DSCAM: variants seen among roughly 807,000 people sequenced by gnomAD.
DSCAM encodes the protein cell adhesion molecule DSCAM.
A neutral mutation model predicts 217.7 loss-of-function variants in DSCAM; 47 were observed. That is an observed-to-expected ratio of 0.22 (90% CI 0.17 to 0.28). The LOEUF is 0.28. Ranked by LOEUF, DSCAM falls within the 10% of genes least tolerant of loss-of-function variation. The pLI is 1.00. For synonymous variants in DSCAM, 1,056 were observed against 1,015.3 expected, an observed-to-expected ratio of 1.04 and a Z score of -0.76; for missense variants, 2,080 against 2,618.3, an observed-to-expected ratio of 0.79 and a Z score of 4.49.
intron 3 of DSCAM, among the ~76,000 whole-genome samples, chr21:40,451,885 CA>C (rs373621636): frequency 3.2e-4 from 49 of 152,008 alleles, no homozygotes; most frequent in East Asian, 3.1e-3. Flanking sequence ...CGCAAAAATT[CA>C]AAAAAATTGC....
At chr21:40,689,501 T>C (rs1004162109) in intron 3 of DSCAM, among the ~76,000 whole-genome samples, 4 of 152,246 alleles carry the variant, frequency 2.6e-5, no homozygotes, top group African/African-American at 9.6e-5. Context: ...CTCTCAGCTA[T>C]CCTAGGTCAA....
intron 21 of DSCAM, among the ~76,000 whole-genome samples, chr21:40,093,021 C>T (rs7276717): frequency 0.18 from 27,045 of 152,024 alleles, 2,644 homozygotes; most frequent in African/African-American, 0.25. Flanking sequence ...TAATAAGTTG[C>T]CACTGTTCTA....
At chr21:40,680,272 G>A (rs542313293) in intron 3 of DSCAM, among the ~76,000 whole-genome samples, 2 of 152,266 alleles carry the variant, frequency 1.3e-5, no homozygotes, top group Admixed American at 6.5e-5. Flanking sequence ...AGGCTCTATA[G>A]AGAAATGCAC....
At chr21:40,050,994 ATATT>A in intron 30 of DSCAM, among the ~76,000 whole-genome samples, 1 of 152,324 alleles carries the variant, frequency 6.6e-6, no homozygotes, top group Admixed American at 6.5e-5. Context: ...TGTTTTCTGT[ATATT>A]ACAATGTTAT....
At chr21:40,031,988 C>G (rs545590802) in intron 32 of DSCAM, among the ~76,000 whole-genome samples, 1 of 152,332 alleles carries the variant, frequency 6.6e-6, no homozygotes, top group South Asian at 2.1e-4. Context: ...CTCCAGCCTT[C>G]AACTTTCTGG....
chr21:40,673,269 T>G (rs1280236771), intron 3 of DSCAM, among the ~76,000 whole-genome samples: 1 of 131,288 alleles, frequency 7.6e-6, no homozygotes, highest in African/African-American at 2.7e-5. Flanking sequence ...TGTTTTACGG[T>G]AGTAAAGATA....
chr21:40,406,764 G>GT, intron 3 of DSCAM, among the ~76,000 whole-genome samples: 1 of 152,034 alleles, frequency 6.6e-6, no homozygotes, highest in Non-Finnish European at 1.5e-5. Context: ...TAATTTTTGT[G>GT]TTTTTTGTTC....
At chr21:40,696,154 T>C (rs2090592893) in intron 2 of DSCAM, among the ~76,000 whole-genome samples, 1 of 152,106 alleles carries the variant, frequency 6.6e-6, no homozygotes, top group Non-Finnish European at 1.5e-5. Context: ...ATCTAAGTAC[T>C]GTGCTTGGTG....
intron 1 of DSCAM, among the ~76,000 whole-genome samples, chr21:40,785,462 G>A (rs891062266): frequency 6.6e-5 from 10 of 152,314 alleles, no homozygotes; most frequent in African/African-American, 2.4e-4. Flanking sequence ...AGGCCTCACT[G>A]GCCAATACAC....
chr21:40,629,252 G>T (rs1347442608), intron 3 of DSCAM, among the ~76,000 whole-genome samples: 1 of 152,148 alleles, frequency 6.6e-6, no homozygotes, highest in Non-Finnish European at 1.5e-5. Context: ...GATTGGACAA[G>T]ATTATCCTTA....
At chr21:40,226,624 T>C (rs944088774) in intron 11 of DSCAM, among the ~76,000 whole-genome samples, 3 of 152,188 alleles carry the variant, frequency 2.0e-5, no homozygotes, top group African/African-American at 4.8e-5. Flanking sequence ...CTGTAACAAA[T>C]GAACCCAAAG....
Position 40,266,670 on chromosome 21 carries a change from T to TATATATATATATATATATATAA in DSCAM, c.2356+9426_2356+9427insTTATATATATATATATATATAT, listed in dbSNP as rs201198571. Among the ~76,000 whole-genome samples, 57 of 120,678 alleles carry TATATATATATATATATATATAA rather than the reference T, an allele frequency of 4.7e-4. 2 individuals are homozygous for TATATATATATATATATATATAA. The highest frequency in any genetic ancestry group is 2.1e-3 in the African/African-American group (52 of 24,690). The allele number at this position is 120,678 out of a possible 152,430, so 79.2% of individuals were successfully genotyped here. ...ATATATATATATATATATATATATA[T>TATATATATATATATATATATAA]AATCTTGAAATTTTATATATATAAA... On this transcript the variant is annotated intron_variant, in intron 11 of 32. Coordinates refer to ENST00000400454, the MANE Select transcript of DSCAM (RefSeq NM_001389.5).
chr21:40,603,565 C>CATT (rs1248231943), intron 3 of DSCAM, among the ~76,000 whole-genome samples: 1 of 152,194 alleles, frequency 6.6e-6, no homozygotes, highest in Non-Finnish European at 1.5e-5. Flanking sequence ...TTTCTGAATA[C>CATT]ATTCTTTTAA....
intron 15 of DSCAM, among the ~76,000 whole-genome samples, chr21:40,174,843 G>A (rs771908941): frequency 4.6e-5 from 7 of 152,216 alleles, no homozygotes; most frequent in East Asian, 1.9e-4. Context: ...CTGGTCTGTC[G>A]TGGGCTGCAG....
At chr21:40,233,930 C>T (rs1790404808) in intron 11 of DSCAM, among the ~76,000 whole-genome samples, 2 of 152,298 alleles carry the variant, frequency 1.3e-5, no homozygotes, top group East Asian at 1.9e-4. Flanking sequence ...GGTCTGCACA[C>T]TCCTTCCTGC....
At chr21:40,127,655 T>C (rs1041305486) in intron 19 of DSCAM, among the ~76,000 whole-genome samples, 1 of 152,162 alleles carries the variant, frequency 6.6e-6, no homozygotes, top group Non-Finnish European at 1.5e-5. Context: ...TAGACCGACA[T>C]AGTCACAACA....
chr21:40,608,203 A>G (rs574458546), intron 3 of DSCAM, among the ~76,000 whole-genome samples: 6 of 152,376 alleles, frequency 3.9e-5, no homozygotes, highest in Admixed American at 1.3e-4. Flanking sequence ...TAAAAACGTG[A>G]TGACATCACA....
At position 40,276,115 on chromosome 21, in the gene DSCAM, T is replaced by C; in HGVS notation, c.2338A>G (p.Met780Val). The change falls in exon 11 of 33, where the codon ATG becomes GTG. Residue 780 changes from methionine (M) to valine (V), a missense_variant. Around this residue, in one of 5 missense-constraint regions of DSCAM, gnomAD observed 218 missense variants for 364.1 expected, o/e 0.60. Coordinates refer to ENST00000400454, the MANE Select transcript of DSCAM (RefSeq NM_001389.5). ...NDVGADVSKS[M>V]YLTVKIPAMI... ...CTCTTACTTTTAACCGTGAGGTACATGGACTTGCTGACGTCTGCGCCCACA... is the reference window on the plus strand; with the variant it reads ...CTCTTACTTTTAACCGTGAGGTACACGGACTTGCTGACGTCTGCGCCCACA... The C allele has an allele frequency of 6.3e-7, 1 of 1,598,600 alleles. No individual in the cohort carries two copies. The highest frequency in any genetic ancestry group is 8.5e-7 in the Non-Finnish European group (1 of 1,173,882).
In DSCAM at chr21:40,526,626, G is replaced by A. The variant is rs1234287677; in HGVS notation, c.509-157381C>T. 2.6e-5 allele frequency among the ~76,000 whole-genome samples: 4 copies of A among 152,088 alleles called. No homozygotes were observed. The East Asian group carries it at 7.8e-4, about 29-fold the overall frequency. On this transcript the variant is annotated intron_variant, in intron 3 of 32. Coordinates refer to ENST00000400454, the MANE Select transcript of DSCAM (RefSeq NM_001389.5). ...AGAGCCCTCGAGGTAACTTCGGGCTGGCCAGGAACTTTGCTTATCAGATTT... is the reference window on the plus strand; with the variant it reads ...AGAGCCCTCGAGGTAACTTCGGGCTAGCCAGGAACTTTGCTTATCAGATTT...
Sources: gnomAD v4.1 joint callset for allele counts (sites outside exome capture counted in the v4.1 genomes callset) on GRCh38, gnomAD v4.1.1 for gene constraint, gnomAD v4.1.1 regional missense constraint, MANE v1.5 for transcripts, NCBI Gene and HGNC (gene_info 2026-07-23, HGNC 2026-07-21) for gene names.